TNPO2: variants seen among roughly 807,000 people sequenced by gnomAD.
The protein encoded by TNPO2 is transportin-2.
A neutral mutation model predicts 111.1 loss-of-function variants in TNPO2; 16 were observed. The ratio of observed to expected loss-of-function variants is 0.14; its 90% CI spans 0.10 to 0.22. TNPO2 has a LOEUF of 0.22. Among genes scored for constraint, TNPO2 ranks in the 10% least tolerant of loss-of-function variants. TNPO2 has a pLI of 1.00. For synonymous variants in TNPO2, 481 were observed against 475.8 expected (o/e 1.01, Z -0.14); for missense variants, 530 against 1,173.7 (o/e 0.45, Z 8.01).
In TNPO2 at chr19:12,711,342, G is replaced by A. The variant is rs770308688; in HGVS notation, c.1071C>T (p.Asp357=). ...HEAERPDGSE[D]AEDDDDDDAL... is the part of the protein sequence containing the mutation. ...CATCATCATCATCGTCATCCTCCGC[G>A]TCCTCGGAGCCATCAGGCCGCTCAG... Residue 357 remains aspartate (D), a synonymous_variant, in exon 12 of 26, where the codon GAC becomes GAT. Transcript: ENST00000425528. 15 of 1,613,838 alleles carry A rather than the reference G, an allele frequency of 9.3e-6. No individual in the cohort carries two copies. In the East Asian group the frequency reaches 3.1e-4, roughly 34 times the overall value.
chr19:12,703,763 G>A lies in TNPO2; in HGVS notation c.2061C>T (p.Leu687=), dbSNP rs1461647750. The A allele has an allele frequency of 4.4e-6, 7 of 1,604,244 alleles. No individual in the cohort carries two copies. In the South Asian group the frequency reaches 4.5e-5, roughly 10 times the overall value. The part of the protein sequence containing the change: ...MPEVRQSSFA[L]LGDLTKACFI... ...AGCAGGCTTTGGTGAGGTCTCCCAGGAGGGCAAAGGAGCTCTGCCGGACCT... is the reference window on the plus strand; with the variant it reads ...AGCAGGCTTTGGTGAGGTCTCCCAGAAGGGCAAAGGAGCTCTGCCGGACCT... Residue 687 remains leucine (L), a synonymous_variant, in exon 19 of 26, where the codon CTC becomes CTT. Transcript: ENST00000425528.
At position 12,710,767 on chromosome 19, in the gene TNPO2, C is replaced by G; in HGVS notation, c.1124G>C (p.Cys375Ser). ...GAGGACGTCCAGTGCAGCCGCTGAG[C>G]ACTTCCCTGGGGAAGGGGGAACAAT... is the stretch of plus-strand genomic sequence containing the variant. ...DALSDWNLRK[C>S]SAAALDVLAN... is the part of the protein sequence containing the mutation. The change falls in exon 13 of 26, where the codon TGC becomes TCC. Residue 375 changes from cysteine (C) to serine (S), a missense_variant. Around this residue, in one of 4 missense-constraint regions of TNPO2, gnomAD observed 88 missense variants for 130.2 expected, o/e 0.68. Coordinates refer to ENST00000425528, the MANE Select transcript of TNPO2 (RefSeq NM_001382241.1). 6.2e-7 allele frequency: 1 copy of G among 1,609,068 alleles called. No individual in the cohort carries two copies. Among genetic ancestry groups the G allele is most frequent in the Non-Finnish European group, 8.5e-7 (1 of 1,177,622 alleles).
chr19:12,723,794 C>T lies in TNPO2; in HGVS notation c.-156G>A, dbSNP rs1967165800. ...TTGCCGTAGGCAAAGTCAGTCCCGG[C>T]TCCGTTCATTCATGAAAATCAAGTC... is the stretch of plus-strand genomic sequence containing the variant. On this transcript the variant is annotated 5_prime_UTR_variant, in exon 1 of 26. Coordinates refer to ENST00000425528, the MANE Select transcript of TNPO2 (RefSeq NM_001382241.1). 1 of 152,196 alleles carries T rather than the reference C, an allele frequency of 6.6e-6. No individual in the cohort carries two copies. Among genetic ancestry groups the T allele is most frequent in the African/African-American group, 2.4e-5 (1 of 41,444 alleles). The allele number at this position is 152,196 out of a possible 1,614,324, so 9.4% of individuals were successfully genotyped here.
At chr19:12,718,540 G>A (rs1267214814) in intron 5 of TNPO2, among the ~76,000 whole-genome samples, 1 of 152,074 alleles carries the variant, frequency 6.6e-6, no homozygotes, top group African/African-American at 2.4e-5. Flanking sequence ...TCAACCTCTG[G>A]TGATTTGCCT....
chr19:12,714,787 C>A (rs1449344143), intron 10 of TNPO2, 34 bp downstream of exon 10: 1 of 1,579,236 alleles, frequency 6.3e-7, no homozygotes, highest in African/African-American at 1.3e-5. Context: ...GGGGTCGAAG[C>A]TGGGGTAGGA....
At chr19:12,710,526 C>T (rs2025975323) in intron 13 of TNPO2, 95 bp downstream of exon 13, 1 of 1,427,718 alleles carries the variant, frequency 7.0e-7, no homozygotes, top group Non-Finnish European at 9.5e-7. Flanking sequence ...GGTGAGTAGG[C>T]CTCCAGGGAG....
intron 5 of TNPO2, among the ~76,000 whole-genome samples, chr19:12,716,898 G>A (rs1265757876): frequency 6.6e-6 from 1 of 152,154 alleles, no homozygotes; most frequent in African/African-American, 2.4e-5. Flanking sequence ...GTAAGGACAG[G>A]CATGATGAGA....
chr19:12,711,051 C>T (rs2026011801), intron 12 of TNPO2, among the ~76,000 whole-genome samples: 1 of 152,166 alleles, frequency 6.6e-6, no homozygotes, highest in Non-Finnish European at 1.5e-5. Context: ...CCCGACACCA[C>T]GCCCGACTAA....
intron 20 of TNPO2, chr19:12,703,121 C>A: frequency 1.7e-6 from 1 of 594,608 alleles, no homozygotes; most frequent in Admixed American, 3.0e-5. Flanking sequence ...CTCCAAACAA[C>A]AGAGGCTTCT....
chr19:12,707,474 GTTTTCTTTTTTTTT>G (rs1315838034), intron 13 of TNPO2, among the ~76,000 whole-genome samples: 2 of 124,252 alleles, frequency 1.6e-5, no homozygotes, highest in East Asian at 2.6e-4. Flanking sequence ...ATGTTTGTGA[GTTTTCTTTTTTTTT>G]TTTTTTTTTT....
Position 12,705,430 on chromosome 19 carries a change from AGT to A in TNPO2, c.1864-34_1864-33del. 1 of 1,576,978 alleles carries A rather than the reference AGT, an allele frequency of 6.3e-7. No homozygotes were observed. Among genetic ancestry groups the A allele is most frequent in the Non-Finnish European group, 8.6e-7 (1 of 1,161,402 alleles). On this transcript the variant is annotated intron_variant, in intron 17 of 25. Transcript: ENST00000425528. The surrounding 1 kb of genome is among the most constrained non-coding windows in gnomAD (Gnocchi z 7.2). ...ACAGATGCCGACAGGGGCACGGGTA[AGT>A]GGAGCAGGCCCGAGGCAGGCCAATG...
chr19:12,715,131 C>T lies in TNPO2; in HGVS notation c.687G>A (p.Val229=). 2 of 1,600,004 alleles carry T rather than the reference C, an allele frequency of 1.3e-6. No homozygotes were observed. Among genetic ancestry groups the T allele is most frequent in the East Asian group, 2.2e-5 (1 of 44,738 alleles). ...FALAVDDDPE[V]RKNVCRALVM... ...CCAGGGCACGGCACACATTCTTCCG[C>T]ACCTCGGGGTCATCATCCACAGCCA... The change falls in exon 9 of 26, where the codon GTG becomes GTA. Residue 229 remains valine, a synonymous_variant. Coordinates refer to ENST00000425528, the MANE Select transcript of TNPO2 (RefSeq NM_001382241.1). The surrounding 1 kb of genome is among the most constrained non-coding windows in gnomAD (Gnocchi z 7.1).
rs1291375491 is a variant in TNPO2, at chr19:12,715,008, CCCTG to C, written c.771+35_771+38del. On this transcript the variant is annotated intron_variant, in intron 9 of 25. Coordinates refer to ENST00000425528, the MANE Select transcript of TNPO2 (RefSeq NM_001382241.1). This position sits in a 1 kb window ranked among gnomAD's most constrained non-coding sequence, Gnocchi z 7.1. ...GGCTCCCTGACCCCTGCCACCGGCCCCCTGCCTGCCCGCCTGGGCTGGCCTTGAC... is the reference window on the plus strand; with the variant it reads ...GGCTCCCTGACCCCTGCCACCGGCCCCCTGCCCGCCTGGGCTGGCCTTGAC... 2 of 1,578,412 alleles carry C rather than the reference CCCTG, an allele frequency of 1.3e-6. No individual in the cohort carries two copies. Among genetic ancestry groups the C allele is most frequent in the Non-Finnish European group, 1.7e-6 (2 of 1,163,508 alleles).
chr19:12,703,023 G>T, intron 20 of TNPO2, 105 bp from the exon 21 acceptor site: 1 of 956,278 alleles, frequency 1.0e-6, no homozygotes, highest in Non-Finnish European at 1.6e-6. Context: ...ACTAGAGACT[G>T]GCCAACCACT....
intron 3 of TNPO2, 79 bp downstream of exon 3, chr19:12,720,800 C>G: frequency 2.4e-5 from 36 of 1,479,336 alleles, no homozygotes; most frequent in African/African-American, 4.3e-5. Context: ...GGGAGTCAGT[C>G]CCTCTCTTTC....
At chr19:12,703,403 G>A (rs1474012742) in intron 20 of TNPO2, 25 bp downstream of exon 20, 2 of 1,604,568 alleles carry the variant, frequency 1.2e-6, no homozygotes, top group South Asian at 2.2e-5. Flanking sequence ...TGGGGGGCGC[G>A]TGTTGCCACT....
chr19:12,711,721 C>G (rs894149668), intron 10 of TNPO2, 108 bp from the exon 11 acceptor site: 3 of 884,574 alleles, frequency 3.4e-6, no homozygotes, highest in African/African-American at 3.3e-5. Flanking sequence ...GACCAGCCCC[C>G]CAATCAGCCA....
Position 12,701,723 on chromosome 19 carries a change from G to C in TNPO2, c.2511+29C>G, listed in dbSNP as rs765673293. 3.1e-6 allele frequency: 5 copies of C among 1,612,518 alleles called. No homozygotes were observed. Among genetic ancestry groups the C allele is most frequent in the Non-Finnish European group, 4.2e-6 (5 of 1,178,906 alleles). ...GGGGCCGCCCGAGCCCAGCGCCCGC[G>C]CCTGCCCTCAGAGCCCAGCTGCCCC... On this transcript the variant is annotated intron_variant, in intron 23 of 25. Transcript: ENST00000425528. This position sits in a 1 kb window ranked among gnomAD's most constrained non-coding sequence, Gnocchi z 5.0.
In TNPO2 at chr19:12,706,343, C is replaced by T. The variant is rs748441308; in HGVS notation, c.1521G>A (p.Glu507=). Residue 507 remains glutamate (E), a synonymous_variant, in exon 15 of 26, where the codon GAG becomes GAA. Coordinates refer to ENST00000425528, the MANE Select transcript of TNPO2 (RefSeq NM_001382241.1). This position sits in a 1 kb window ranked among gnomAD's most constrained non-coding sequence, Gnocchi z 7.0. ...ACSAFATLEE[E]ACTELVPYLS... ...GGTAGGGCACCAGCTCCGTGCAGGC[C>T]TCTTCCTCCAGGGTGGCAAAAGCAC... is the stretch of plus-strand genomic sequence containing the variant. The T allele has an allele frequency of 1.2e-6, 2 of 1,613,844 alleles. No individual in the cohort carries two copies. The highest frequency in any genetic ancestry group is 1.3e-5 in the African/African-American group (1 of 74,856).
Sources: allele counts gnomAD v4.1 joint callset (sites outside exome capture counted in the v4.1 genomes callset), GRCh38; gene constraint gnomAD v4.1.1; regional missense constraint gnomAD v4.1.1; non-coding constraint Gnocchi (gnomAD v3.1); transcripts MANE v1.5; gene names NCBI Gene and HGNC (gene_info 2026-07-23, HGNC 2026-07-21).